FRAS1: variants seen among roughly 807,000 people sequenced by gnomAD.
The protein encoded by FRAS1 is Fraser extracellular matrix complex subunit 1.
A neutral mutation model predicts 435.2 loss-of-function variants in FRAS1; 290 were observed. The ratio of observed to expected loss-of-function variants is 0.67; its 90% CI spans 0.61 to 0.73. The LOEUF is 0.73. Ranked by LOEUF, FRAS1 falls within the 30% of genes least tolerant of loss-of-function variation. The pLI is 0.00. For missense variants in FRAS1, 4,860 were observed against 5,001.5 expected (o/e 0.97, Z 0.85); for synonymous variants, 1,800 against 1,851.0 (o/e 0.97, Z 0.71).
intron 30 of FRAS1, among the ~76,000 whole-genome samples, chr4:78,404,319 C>A (rs1733017886): frequency 6.6e-6 from 1 of 151,092 alleles, no homozygotes; most frequent in South Asian, 2.1e-4. Context: ...CAGTAGAGAT[C>A]ATTTTCTGTT....
chr4:78,536,929 AC>A, intron 71 of FRAS1, 65 bp from the exon 72 acceptor site: 3 of 1,356,246 alleles, frequency 2.2e-6, no homozygotes, highest in Non-Finnish European at 3.1e-6. Flanking sequence ...ACCCCTTTCA[AC>A]CCTTGACATT....
intron 59 of FRAS1, among the ~76,000 whole-genome samples, chr4:78,494,220 A>G (rs746951557): frequency 7.9e-5 from 12 of 151,974 alleles, no homozygotes; most frequent in Non-Finnish European, 1.6e-4. Flanking sequence ...TTTGAGATCT[A>G]TGTTTTTTAG....
At chr4:78,305,162 T>C (rs1429801341) in intron 14 of FRAS1, among the ~76,000 whole-genome samples, 2 of 151,958 alleles carry the variant, frequency 1.3e-5, no homozygotes, top group Non-Finnish European at 2.9e-5. Context: ...TTCCATGTAG[T>C]TGAGTGGTTT....
At chr4:78,233,054 G>C (rs1198208353) in intron 2 of FRAS1, among the ~76,000 whole-genome samples, 1 of 152,234 alleles carries the variant, frequency 6.6e-6, no homozygotes, top group Non-Finnish European at 1.5e-5. Context: ...ACTGTTTACA[G>C]TTTAGTAAGC....
At chr4:78,409,194 TAATTATA>T (rs1347392967) in intron 31 of FRAS1, among the ~76,000 whole-genome samples, 1 of 149,424 alleles carries the variant, frequency 6.7e-6, no homozygotes, top group African/African-American at 2.4e-5. Context: ...ATTATAAATA[TAATTATA>T]AATTATAAAT....
chr4:78,479,151 C>A (rs1057426481), intron 55 of FRAS1, among the ~76,000 whole-genome samples: 3 of 152,150 alleles, frequency 2.0e-5, no homozygotes, highest in African/African-American at 7.2e-5. Flanking sequence ...AATAGGAAAT[C>A]CATTTTGAGT....
intron 27 of FRAS1, among the ~76,000 whole-genome samples, chr4:78,381,424 G>C (rs944460792): frequency 6.6e-6 from 1 of 152,244 alleles, no homozygotes; most frequent in East Asian, 1.9e-4. Context: ...TGAGTAGCTG[G>C]GACTACAGGC....
chr4:78,270,558 A>T, intron 9 of FRAS1, among the ~76,000 whole-genome samples: 1 of 54,334 alleles, frequency 1.8e-5, no homozygotes, highest in South Asian at 9.3e-4. Context: ...CCCCCCCGCC[A>T]CCACCACCAC....
intron 55 of FRAS1, 48 bp from the exon 56 acceptor site, chr4:78,479,326 G>C: frequency 7.8e-7 from 1 of 1,277,832 alleles, no homozygotes; most frequent in South Asian, 1.9e-5. Flanking sequence ...TTTAAAATCT[G>C]AGAAGCACTC....
Position 78,438,723 on chromosome 4 carries a change from A to G in FRAS1, c.5366+5A>G. The G allele has an allele frequency of 3.2e-6, 5 of 1,584,396 alleles. No homozygotes were observed. In the South Asian group the frequency reaches 4.6e-5, roughly 15 times the overall value. On this transcript the variant is annotated splice_donor_5th_base_variant and intron_variant, in intron 39 of 73. Transcript: ENST00000512123. ...CATCAATAACAAGAAAATCAGGTAC[A>G]TAATCACTTTGTATTATTTGACAGA... is the stretch of plus-strand genomic sequence containing the variant.
chr4:78,185,471 TG>T (rs1722231099), intron 2 of FRAS1, among the ~76,000 whole-genome samples: 1 of 152,348 alleles, frequency 6.6e-6, no homozygotes, highest in African/African-American at 2.4e-5. Context: ...CTCACGGGAT[TG>T]TTTTTCACTT....
chr4:78,396,843 T>G (rs917672342), intron 29 of FRAS1, among the ~76,000 whole-genome samples: 6 of 152,244 alleles, frequency 3.9e-5, no homozygotes, highest in African/African-American at 1.4e-4. Context: ...CATTGTATTC[T>G]TCAGCTCTGG....
chr4:78,208,843 T>C (rs1359678509), intron 2 of FRAS1, among the ~76,000 whole-genome samples: 2 of 152,064 alleles, frequency 1.3e-5, no homozygotes, highest in Non-Finnish European at 2.9e-5. Context: ...TCATACAATA[T>C]AGAATTCTAG....
intron 65 of FRAS1, among the ~76,000 whole-genome samples, chr4:78,514,838 G>A (rs142870190): frequency 0.014 from 2,197 of 152,074 alleles, 28 homozygotes; most frequent in African/African-American, 0.031. Context: ...AGGCTGAGGC[G>A]GGTGGATTGC....
At position 78,472,219 on chromosome 4, in the gene FRAS1, G is replaced by A. The variant is rs776971599; in HGVS notation, c.7411G>A (p.Asp2471Asn). The A allele has an allele frequency of 2.5e-6, 4 of 1,613,798 alleles. No individual in the cohort carries two copies. Among genetic ancestry groups the A allele is most frequent in the Non-Finnish European group, 3.4e-6 (4 of 1,179,842 alleles). The part of the protein sequence containing the change: ...LITKKELLTM[D>N]PDTEDAQLVY... ...CACCAAGAAGGAACTGCTGACCATG[G>A]ACCCAGACACCGAGGACGCGCAGCT... Residue 2471 changes from aspartate (D) to asparagine (N), a missense_variant, in exon 52 of 74, where the codon GAC (aspartate) becomes AAC (asparagine). Asp to Asn is a conservative substitution (Grantham distance 23). Coordinates refer to ENST00000512123, the MANE Select transcript of FRAS1 (RefSeq NM_025074.7).
intron 2 of FRAS1, among the ~76,000 whole-genome samples, chr4:78,118,246 G>A (rs893247353): frequency 6.6e-6 from 1 of 152,192 alleles, no homozygotes; most frequent in Admixed American, 6.5e-5. Flanking sequence ...CCCTACTGGG[G>A]GGTGCCTCCC....
chr4:78,265,836 C>T (rs912536610), intron 7 of FRAS1, among the ~76,000 whole-genome samples: 3 of 152,190 alleles, frequency 2.0e-5, no homozygotes, highest in Non-Finnish European at 2.9e-5. Flanking sequence ...TCATGACTCT[C>T]AGTAGAAAAT....
chr4:78,151,500 TG>T (rs1720659953), intron 2 of FRAS1, among the ~76,000 whole-genome samples: 1 of 152,136 alleles, frequency 6.6e-6, no homozygotes, highest in South Asian at 2.1e-4. Context: ...CCACAAAATA[TG>T]TTGTCTGAGG....
chr4:78,217,345 G>A (rs567287501), intron 2 of FRAS1, among the ~76,000 whole-genome samples: 1 of 152,218 alleles, frequency 6.6e-6, no homozygotes, highest in South Asian at 2.1e-4. Flanking sequence ...CCTTAGCCCA[G>A]TCACATTGAC....
Sources: allele counts gnomAD v4.1 joint callset (sites outside exome capture counted in the v4.1 genomes callset), GRCh38; gene constraint gnomAD v4.1.1; transcripts MANE v1.5; gene names NCBI Gene and HGNC (gene_info 2026-07-23, HGNC 2026-07-21).